The following ROBO1 variants were observed in gnomAD, a reference collection of about 807,000 sequenced individuals.
ROBO1 encodes the protein roundabout homolog 1.
Under a neutral mutation model 195.9 loss-of-function variants are expected in ROBO1, and 149 were observed. The observed-to-expected ratio is 0.76, with a 90% CI of 0.67 to 0.87. The LOEUF (loss-of-function observed/expected upper bound fraction) is 0.87. Ranked by LOEUF, ROBO1 falls within the 40% of genes least tolerant of loss-of-function variation. The pLI is 0.00. For synonymous variants in ROBO1, 816 were observed against 733.2 expected (o/e 1.11, Z -1.82); for missense variants, 1,933 against 2,068.3 (o/e 0.93, Z 1.27).
At chr3:79,147,129 A>T (rs1358063291) in intron 2 of ROBO1, among the ~76,000 whole-genome samples, 1 of 151,936 alleles carries the variant, frequency 6.6e-6, no homozygotes, top group Non-Finnish European at 1.5e-5. Flanking sequence ...GTAATGGAAA[A>T]TTTTGATTTA....
chr3:79,017,975 T>G (rs999729810), intron 3 of ROBO1, among the ~76,000 whole-genome samples: 3 of 152,164 alleles, frequency 2.0e-5, no homozygotes, highest in African/African-American at 7.2e-5. Context: ...TCAGGAATCC[T>G]GGCAAGCCTG....
chr3:78,719,867 G>T (rs1390469282), intron 5 of ROBO1, among the ~76,000 whole-genome samples: 3 of 152,070 alleles, frequency 2.0e-5, no homozygotes, highest in Non-Finnish European at 4.4e-5. Flanking sequence ...TCCTTGGGAG[G>T]TATCAAAGTG....
chr3:78,626,979 C>T (rs1453829045), intron 26 of ROBO1, among the ~76,000 whole-genome samples: 3 of 152,006 alleles, frequency 2.0e-5, no homozygotes, highest in Non-Finnish European at 4.4e-5. Context: ...CTTATTGATA[C>T]AAAAGGAACA....
chr3:79,580,957 C>T lies in ROBO1; in HGVS notation c.88+8867G>A, dbSNP rs906588711. ...AACGTTTTCCAAAGCAATTCTTCCA[C>T]GTGAAATCAGAGCACAGGCTTGTTT... is the stretch of plus-strand genomic sequence containing the variant. On this transcript the variant is annotated intron_variant, in intron 2 of 30. Transcript: ENST00000464233. Among the ~76,000 whole-genome samples, 10 of 152,078 alleles carry T rather than the reference C, an allele frequency of 6.6e-5. No individual in the cohort carries two copies. The South Asian group carries it at 8.3e-4, about 13-fold the overall frequency.
chr3:79,616,333 G>T (rs924909475), intron 1 of ROBO1, among the ~76,000 whole-genome samples: 2 of 152,012 alleles, frequency 1.3e-5, no homozygotes, highest in African/African-American at 4.8e-5. Context: ...GTGCACTTTG[G>T]AAAATTCACA....
intron 3 of ROBO1, among the ~76,000 whole-genome samples, chr3:78,964,767 T>C (rs563747282): frequency 6.6e-6 from 1 of 150,708 alleles, no homozygotes; most frequent in East Asian, 2.0e-4. Flanking sequence ...TGGCTCAGAG[T>C]TTTAGGGGTC....
At chr3:78,627,604 C>A in intron 25 of ROBO1, 35 bp from the exon 26 acceptor site, 1 of 1,558,404 alleles carries the variant, frequency 6.4e-7, no homozygotes, top group East Asian at 2.3e-5. Flanking sequence ...AGACTTACTT[C>A]AGGTTATTCA....
At chr3:78,881,573 T>C (rs774690599) in intron 4 of ROBO1, among the ~76,000 whole-genome samples, 3 of 152,318 alleles carry the variant, frequency 2.0e-5, no homozygotes, top group East Asian at 1.9e-4. Context: ...CTTTGTTTTA[T>C]TGAATTTAAC....
chr3:79,082,558 A>T (rs997550863), intron 3 of ROBO1, among the ~76,000 whole-genome samples: 6 of 152,200 alleles, frequency 3.9e-5, no homozygotes, highest in African/African-American at 1.4e-4. Flanking sequence ...ATGAAGTGAG[A>T]TAGAAGAGAC....
chr3:79,508,377 C>T (rs1478636697), intron 2 of ROBO1, among the ~76,000 whole-genome samples: 1 of 152,154 alleles, frequency 6.6e-6, no homozygotes, highest in Non-Finnish European at 1.5e-5. Flanking sequence ...AGAAACCAAT[C>T]CTGCCTAAAC....
intron 2 of ROBO1, among the ~76,000 whole-genome samples, chr3:79,364,480 A>T (rs948849160): frequency 6.6e-6 from 1 of 151,830 alleles, no homozygotes; most frequent in African/African-American, 2.4e-5. Context: ...CATGCCACTC[A>T]TATATATTTT....
At chr3:78,902,083 A>T (rs372672461) in intron 4 of ROBO1, among the ~76,000 whole-genome samples, 211 of 152,334 alleles carry the variant, frequency 1.4e-3, no homozygotes, top group Middle Eastern at 3.4e-3. Context: ...TTAGTGTCAC[A>T]AATCCATGAC....
rs181215894 is a variant in ROBO1, at chr3:78,750,045, T to C, written c.500-3145A>G. Among the ~76,000 whole-genome samples, 46 of 152,320 alleles carry C rather than the reference T, an allele frequency of 3.0e-4. 1 individual carries two copies. In the East Asian group the frequency reaches 8.9e-3, roughly 29 times the overall value. On this transcript the variant is annotated intron_variant, in intron 4 of 30. Coordinates refer to ENST00000464233, the MANE Select transcript of ROBO1 (RefSeq NM_002941.4). Reference sequence around the variant, plus strand: ...TATTTGTGTAGTTTTATTTTATGTGTATAGTTAGGTACATATAATTTAACT... The same window carrying C: ...TATTTGTGTAGTTTTATTTTATGTGCATAGTTAGGTACATATAATTTAACT...
chr3:79,107,319 C>G (rs538844065), intron 3 of ROBO1, among the ~76,000 whole-genome samples: 1 of 151,592 alleles, frequency 6.6e-6, no homozygotes, highest in African/African-American at 2.4e-5. Flanking sequence ...TGAAGTGATG[C>G]GTTTCATATC....
chr3:79,306,875 TTTGC>T (rs756145128), intron 2 of ROBO1, among the ~76,000 whole-genome samples: 15 of 151,644 alleles, frequency 9.9e-5, no homozygotes, highest in Non-Finnish European at 1.8e-4. Flanking sequence ...TATTTCCACA[TTTGC>T]TTACATTTGG....
intron 2 of ROBO1, among the ~76,000 whole-genome samples, chr3:79,298,862 A>G (rs28649128): frequency 2.0e-5 from 3 of 152,096 alleles, no homozygotes; most frequent in Non-Finnish European, 2.9e-5. Context: ...TCCATTTTCA[A>G]CTTTTTTGAA....
At chr3:78,902,074 T>C (rs2037624893) in intron 4 of ROBO1, among the ~76,000 whole-genome samples, 1 of 152,196 alleles carries the variant, frequency 6.6e-6, no homozygotes, top group Non-Finnish European at 1.5e-5. Flanking sequence ...AGGCATCACT[T>C]AGTGTCACAA....
chr3:79,692,004 A>G (rs1419025477), intron 1 of ROBO1, among the ~76,000 whole-genome samples: 1 of 151,848 alleles, frequency 6.6e-6, no homozygotes, highest in Non-Finnish European at 1.5e-5. Context: ...CATAATTTTT[A>G]TAGAGGAAGT....
At chr3:79,198,873 T>C (rs1040686422) in intron 2 of ROBO1, among the ~76,000 whole-genome samples, 1 of 152,086 alleles carries the variant, frequency 6.6e-6, no homozygotes, top group African/African-American at 2.4e-5. Flanking sequence ...TTTTTGCACA[T>C]TGATTTTATC....
Sources: gnomAD v4.1 joint callset for allele counts (sites outside exome capture counted in the v4.1 genomes callset) on GRCh38, gnomAD v4.1.1 for gene constraint, MANE v1.5 for transcripts, NCBI Gene and HGNC (gene_info 2026-07-23, HGNC 2026-07-21) for gene names.